The following SLC68A1 variants were observed in gnomAD, a reference collection of about 807,000 sequenced individuals.
SLC68A1 encodes major facilitator superfamily domain containing 13A.
chr10:102,466,091 A>T, the SLC68A1 span: 1 of 152,168 alleles, frequency 6.6e-6, no homozygotes, highest in Non-Finnish European at 1.5e-5. Flanking sequence ...GATCTAGGTG[A>T]GCCCAATAAA....
the SLC68A1 span, among the ~76,000 whole-genome samples, chr10:102,464,663 G>T: frequency 6.6e-6 from 1 of 151,316 alleles, no homozygotes; most frequent in East Asian, 1.9e-4. Flanking sequence ...GGTGGTGCAT[G>T]CCTGTAATCC....
chr10:102,474,845 G>A, the SLC68A1 span, among the ~76,000 whole-genome samples: 1 of 151,834 alleles, frequency 6.6e-6, no homozygotes, highest in Admixed American at 6.6e-5. Flanking sequence ...ATGGGGTTTT[G>A]CCAGGTTGCC....
At chr10:102,466,482 C>CAA in the SLC68A1 span, among the ~76,000 whole-genome samples, 36 of 100,748 alleles carry the variant, frequency 3.6e-4, no homozygotes, top group Non-Finnish European at 5.7e-4. Context: ...GACTCCACCT[C>CAA]AAAAAAAAAA....
chr10:102,463,881 A>T, the SLC68A1 span, among the ~76,000 whole-genome samples: 1 of 152,202 alleles, frequency 6.6e-6, no homozygotes, highest in Non-Finnish European at 1.5e-5. Flanking sequence ...TGACAGGAAC[A>T]GCATGAACAA....
chr10:102,469,703 C>A, the SLC68A1 span: 9 of 260,256 alleles, frequency 3.5e-5, no homozygotes, highest in Admixed American at 5.9e-4. Context: ...CCCGCCACCA[C>A]GCCCGGCTAA....
At chr10:102,469,929 G>A in the SLC68A1 span, 14 of 1,573,236 alleles carry the variant, frequency 8.9e-6, no homozygotes, top group South Asian at 1.2e-4. Flanking sequence ...GCAGGCTGAG[G>A]GGGGAGGAGC....
the SLC68A1 span, among the ~76,000 whole-genome samples, chr10:102,464,139 C>T: frequency 6.6e-6 from 1 of 152,216 alleles, no homozygotes; most frequent in Non-Finnish European, 1.5e-5. Flanking sequence ...AGCCACAACG[C>T]CCCACCTAGT....
chr10:102,465,538 C>A, the SLC68A1 span, among the ~76,000 whole-genome samples: 1 of 152,164 alleles, frequency 6.6e-6, no homozygotes, highest in Non-Finnish European at 1.5e-5. Flanking sequence ...ACATTAACAT[C>A]CCCACTTTGT....
the SLC68A1 span, chr10:102,470,585 C>T: frequency 6.5e-7 from 1 of 1,548,056 alleles, no homozygotes; most frequent in Middle Eastern, 2.4e-4. Flanking sequence ...CTCCATCCCT[C>T]CCCTGGGGCC....
chr10:102,473,436 AAG>A, the SLC68A1 span: 76 of 910,544 alleles, frequency 8.3e-5, no homozygotes, highest in African/African-American at 1.2e-3. Context: ...AAGATGAACT[AAG>A]ACAGTGAAGC....
At chr10:102,470,756 G>C in the SLC68A1 span, 13 of 1,613,828 alleles carry the variant, frequency 8.1e-6, no homozygotes, top group Non-Finnish European at 8.5e-6. Flanking sequence ...GTCGTTCCTG[G>C]CGTTCTGGGT....
At chr10:102,463,319 C>T in the SLC68A1 span, among the ~76,000 whole-genome samples, 3 of 152,108 alleles carry the variant, frequency 2.0e-5, no homozygotes, top group Non-Finnish European at 4.4e-5. Context: ...TACAGGCGTG[C>T]CCGCCACCAC....
the SLC68A1 span, chr10:102,471,121 A>G: frequency 6.2e-7 from 1 of 1,612,304 alleles, no homozygotes; most frequent in South Asian, 1.1e-5. Context: ...ATAGCGGGTG[A>G]GTGGCCAGCC....
chr10:102,476,554 C>T, the SLC68A1 span: 1 of 986,046 alleles, frequency 1.0e-6, no homozygotes, highest in East Asian at 1.1e-4. Flanking sequence ...TCTAGTGCAG[C>T]CTGGAAGACA....
chr10:102,469,295 C>G, the SLC68A1 span: 6 of 1,247,614 alleles, frequency 4.8e-6, no homozygotes, highest in Non-Finnish European at 6.9e-6. Context: ...CTGGTCCCAC[C>G]CAGTCAGAGG....
the SLC68A1 span, among the ~76,000 whole-genome samples, chr10:102,469,614 T>G: frequency 6.9e-6 from 1 of 145,176 alleles, no homozygotes; most frequent in Admixed American, 6.9e-5. Flanking sequence ...TGGCGCAATC[T>G]CAGCTCACTG....
chr10:102,471,239 C>T, the SLC68A1 span: 16 of 1,609,068 alleles, frequency 9.9e-6, no homozygotes, highest in Non-Finnish European at 1.3e-5. Flanking sequence ...TCTGGCCAGC[C>T]CCAGGCAGTT....
chr10:102,473,985 G>T, the SLC68A1 span: 3 of 1,608,504 alleles, frequency 1.9e-6, no homozygotes, highest in Admixed American at 3.3e-5. Context: ...CCCGCTGCTG[G>T]GCACCTGGCT....
chr10:102,471,332 G>A, the SLC68A1 span: 1,171 of 1,613,762 alleles, frequency 7.3e-4, 1 homozygote, highest in Non-Finnish European at 9.1e-4. Flanking sequence ...ACCTTGGGCC[G>A]GTATCTCCGG....
Sources: allele counts gnomAD v4.1 joint callset (sites outside exome capture counted in the v4.1 genomes callset), GRCh38; gene constraint gnomAD v4.1.1; transcripts MANE v1.5; gene names NCBI Gene and HGNC (gene_info 2026-07-23, HGNC 2026-07-21).